Variants in ROCK1 observed in about 807,000 individuals in gnomAD.
ROCK1 encodes the protein rho-associated protein kinase 1.
ROCK1 carries 36 observed loss-of-function variants against 196.8 expected under a neutral mutation model. The ratio of observed to expected loss-of-function variants is 0.18; its 90% CI spans 0.14 to 0.24. The LOEUF is 0.24. ROCK1 is among the 10% of genes least tolerant of loss of function. The probability of loss-of-function intolerance (pLI) is 1.00; values close to 1 mark genes in which losing one functional copy is unlikely to be tolerated. For synonymous variants in ROCK1, 443 were observed against 515.9 expected, an observed-to-expected ratio of 0.86 and a Z score of 1.91; for missense variants, 920 against 1,562.0, an observed-to-expected ratio of 0.59 and a Z score of 6.93.
intron 1 of ROCK1, among the ~76,000 whole-genome samples, chr18:21,092,598 A>C (rs1160840733): frequency 1.3e-5 from 2 of 151,854 alleles, no homozygotes; most frequent in South Asian, 4.2e-4. Flanking sequence ...AAAAAAAAAA[A>C]AAAAAACCAA....
intron 13 of ROCK1, among the ~76,000 whole-genome samples, chr18:21,014,131 G>A (rs2035843217): frequency 6.6e-6 from 1 of 151,610 alleles, no homozygotes; most frequent in Non-Finnish European, 1.5e-5. Flanking sequence ...GAAAAGAGCA[G>A]TGATAGTGTA....
chr18:20,988,772 T>C (rs150131020), intron 18 of ROCK1, among the ~76,000 whole-genome samples: 33 of 152,256 alleles, frequency 2.2e-4, no homozygotes, highest in African/African-American at 7.5e-4. Context: ...TGTATTTCCT[T>C]CCCATTAATA....
intron 11 of ROCK1, among the ~76,000 whole-genome samples, chr18:21,021,480 T>C (rs1439348151): frequency 3.9e-5 from 6 of 152,038 alleles, no homozygotes; most frequent in Non-Finnish European, 7.4e-5. Context: ...AATAGGAACA[T>C]AGAAGATTTA....
intron 13 of ROCK1, among the ~76,000 whole-genome samples, chr18:21,009,248 C>T (rs961235425): frequency 7.0e-6 from 1 of 143,778 alleles, no homozygotes; most frequent in South Asian, 2.2e-4. Flanking sequence ...TTCCTGACCT[C>T]GTGATCCGCC....
At chr18:20,966,875 A>G (rs756943361) in intron 27 of ROCK1, 42 bp downstream of exon 27, 2 of 1,456,076 alleles carry the variant, frequency 1.4e-6, no homozygotes, top group South Asian at 1.2e-5. Flanking sequence ...ACTAATTTCC[A>G]TGACATTTAT....
chr18:21,094,527 G>C (rs112667818), intron 1 of ROCK1, among the ~76,000 whole-genome samples: 1 of 151,382 alleles, frequency 6.6e-6, no homozygotes, highest in Admixed American at 6.6e-5. Context: ...TCATTAAGCC[G>C]AGGAGTTTGA....
chr18:21,049,078 T>C lies in ROCK1; in HGVS notation c.414+14A>G. 6.4e-7 allele frequency: 1 copy of C among 1,568,342 alleles called. No individual in the cohort carries two copies. Among genetic ancestry groups the C allele is most frequent in the Admixed American group, 1.9e-5 (1 of 53,988 alleles). On this transcript the variant is annotated intron_variant, in intron 4 of 32. Transcript: ENST00000399799. ...AACTAATGCAGCAATAATGAAAGAGTAGCAAAGTCATACCTGAACAACCCA... is the reference window on the plus strand; with the variant it reads ...AACTAATGCAGCAATAATGAAAGAGCAGCAAAGTCATACCTGAACAACCCA...
chr18:21,011,292 T>C (rs2035814992), intron 13 of ROCK1, among the ~76,000 whole-genome samples: 1 of 152,160 alleles, frequency 6.6e-6, no homozygotes, highest in African/African-American at 2.4e-5. Flanking sequence ...TTCCTTTTGA[T>C]TTAACTATGG....
rs2035769606 is a variant in ROCK1 at position 21,006,443 on chromosome 18, T to A, written c.1793A>T (p.Gln598Leu). Reference protein sequence around the residue: ...RNRILENSKSQTDKDYYQLQA... With the variant: ...RNRILENSKSLTDKDYYQLQA... The stretch of plus-strand genomic sequence containing the variant: ...CAGCTGGTAATAATCTTTGTCTGTT[T>A]GTGACTTAGAATTCTCTAAAATTCG... Residue 598 changes from glutamine to leucine, a missense_variant, in exon 16 of 33, where the codon CAA becomes CTA. By Grantham distance (113) the Gln-to-Leu change is moderately radical (BLOSUM62 -2). This residue lies in a region of ROCK1 where 520 missense variants were observed against 657.1 expected (regional missense o/e 0.79). Coordinates refer to ENST00000399799, the MANE Select transcript of ROCK1 (RefSeq NM_005406.3). 1.2e-6 allele frequency: 2 copies of A among 1,613,800 alleles called. No homozygotes were observed. Among genetic ancestry groups the A allele is most frequent in the East Asian group, 2.2e-5 (1 of 44,840 alleles).
chr18:20,963,356 G>A (rs1432165807), intron 27 of ROCK1, among the ~76,000 whole-genome samples: 2 of 151,928 alleles, frequency 1.3e-5, no homozygotes, highest in Non-Finnish European at 2.9e-5. Context: ...CAAACATACT[G>A]CTTAAGAAAC....
chr18:20,948,712 TA>T lies in ROCK1; in HGVS notation c.*2671del, dbSNP rs1264291565. 1 of 151,516 alleles carries T rather than the reference TA, an allele frequency of 6.6e-6. No individual in the cohort carries two copies. The highest frequency in any genetic ancestry group is 1.5e-5 in the Non-Finnish European group (1 of 67,974). 9.4% of individuals were successfully genotyped at this position (151,516 alleles called of 1,614,324 possible). On this transcript the variant is annotated 3_prime_UTR_variant, in exon 33 of 33. Transcript: ENST00000399799. ...AAATTAGAGAGAAAGCTAGAGGCTA[TA>T]TTTCTCAGACTTTCTTGCAGCTAGG... is the stretch of plus-strand genomic sequence containing the variant.
At position 20,950,936 on chromosome 18, in the gene ROCK1, A is replaced by G. The variant is rs1403245845; in HGVS notation, c.*448T>C. The G allele has an allele frequency of 1.3e-5, 2 of 153,660 alleles. No individual in the cohort carries two copies. Among genetic ancestry groups the G allele is most frequent in the Non-Finnish European group, 2.9e-5 (2 of 68,834 alleles). 9.5% of individuals were successfully genotyped at this position (153,660 alleles called of 1,614,324 possible). On this transcript the variant is annotated 3_prime_UTR_variant, in exon 33 of 33. Coordinates refer to ENST00000399799, the MANE Select transcript of ROCK1 (RefSeq NM_005406.3). ...GCACAAAAACTTAAGTCATTAAAAA[A>G]AAAACAAAACTTCAGTTTGTCTCAT...
intron 8 of ROCK1, 49 bp from the exon 9 acceptor site, chr18:21,039,612 T>C: frequency 7.7e-7 from 1 of 1,294,962 alleles, no homozygotes; most frequent in Non-Finnish European, 1.1e-6. Context: ...AAGATCTTAT[T>C]ATAACCTGTC....
At chr18:21,011,801 T>A (rs1307176795) in intron 13 of ROCK1, among the ~76,000 whole-genome samples, 1 of 152,218 alleles carries the variant, frequency 6.6e-6, no homozygotes, top group African/African-American at 2.4e-5. Context: ...CTGTTTATAA[T>A]GTCTAAAATA....
chr18:21,093,027 C>T (rs2036583762), intron 1 of ROCK1, among the ~76,000 whole-genome samples: 1 of 152,210 alleles, frequency 6.6e-6, no homozygotes, highest in Non-Finnish European at 1.5e-5. Context: ...TAAGCTGGCT[C>T]TTCCCCAGTT....
chr18:21,057,420 G>A (rs1282953539), intron 2 of ROCK1, among the ~76,000 whole-genome samples: 1 of 152,112 alleles, frequency 6.6e-6, no homozygotes, highest in Non-Finnish European at 1.5e-5. Flanking sequence ...AGTGCAAAAA[G>A]GCTAACTTAC....
intron 16 of ROCK1, among the ~76,000 whole-genome samples, chr18:21,002,390 C>T (rs1171724450): frequency 6.6e-6 from 1 of 152,048 alleles, no homozygotes; most frequent in Admixed American, 6.6e-5. Flanking sequence ...ATGCAAAGGG[C>T]TAACATATAT....
chr18:21,045,971 C>A (rs554794028), intron 4 of ROCK1, among the ~76,000 whole-genome samples: 8 of 121,458 alleles, frequency 6.6e-5, no homozygotes, highest in African/African-American at 2.5e-4. Context: ...AGTGCAGTGG[C>A]GTGATGTCGG....
Position 21,006,694 on chromosome 18 carries a change from CT to C in ROCK1, c.1638+4del. On this transcript the variant is annotated splice_donor_region_variant and intron_variant, in intron 15 of 32. Transcript: ENST00000399799. The stretch of plus-strand genomic sequence containing the variant: ...TTAAAAAGGAACCTCATTTGAAACA[CT>C]TACCTGCTTTTGTAACTGGGACAGC... 6.3e-7 allele frequency: 1 copy of C among 1,593,290 alleles called. No homozygotes were observed. The highest frequency in any genetic ancestry group is 8.5e-7 in the Non-Finnish European group (1 of 1,174,234).
Sources: gnomAD v4.1 joint callset for allele counts (sites outside exome capture counted in the v4.1 genomes callset) on GRCh38, gnomAD v4.1.1 for gene constraint, gnomAD v4.1.1 regional missense constraint, MANE v1.5 for transcripts, NCBI Gene and HGNC (gene_info 2026-07-23, HGNC 2026-07-21) for gene names.